CCSER1: variants seen among roughly 807,000 people sequenced by gnomAD.
CCSER1 encodes the protein serine-rich coiled-coil domain-containing protein 1.
CCSER1 carries 41 observed loss-of-function variants against 82.0 expected under a neutral mutation model. That is an observed-to-expected ratio of 0.50 (90% CI 0.39 to 0.65). The LOEUF is 0.65. Among genes scored for constraint, CCSER1 ranks in the 30% least tolerant of loss-of-function variants. CCSER1 has a pLI of 0.00. For synonymous variants in CCSER1, 414 were observed against 383.9 expected (o/e 1.08, Z -0.92); for missense variants, 1,119 against 1,064.2 (o/e 1.05, Z -0.72).
intron 10 of CCSER1, among the ~76,000 whole-genome samples, chr4:91,370,716 AT>A (rs1378631886): frequency 6.6e-6 from 1 of 151,824 alleles, no homozygotes; most frequent in Non-Finnish European, 1.5e-5. Context: ...AAATTGTTTT[AT>A]TTTGAATTTG....
chr4:90,426,347 A>G (rs889467227), intron 4 of CCSER1, among the ~76,000 whole-genome samples: 3 of 152,214 alleles, frequency 2.0e-5, no homozygotes, highest in African/African-American at 7.2e-5. Context: ...ATACTAGGCA[A>G]TGATGATCAG....
intron 8 of CCSER1, among the ~76,000 whole-genome samples, chr4:90,831,694 T>G (rs1211900252): frequency 6.6e-6 from 1 of 152,190 alleles, no homozygotes; most frequent in African/African-American, 2.4e-5. Flanking sequence ...CAACTAATGT[T>G]GCTTAAAGAA....
intron 1 of CCSER1, among the ~76,000 whole-genome samples, chr4:90,168,182 T>C (rs1730890335): frequency 1.3e-5 from 2 of 152,214 alleles, no homozygotes; most frequent in Non-Finnish European, 2.9e-5. Flanking sequence ...TGGTGTGAGA[T>C]GATATCTCAT....
Position 91,013,353 on chromosome 4 carries a change from T to A in CCSER1, c.2173-72597T>A, listed in dbSNP as rs957908920. On this transcript the variant is annotated intron_variant, in intron 9 of 10. Coordinates refer to ENST00000509176, the MANE Select transcript of CCSER1 (RefSeq NM_001145065.2). Reference sequence around the variant, plus strand: ...TTCCACCTTTGTATAGTCTCGGCACTCTTGTTGAAGATCATTTGACTATAT... The same window carrying A: ...TTCCACCTTTGTATAGTCTCGGCACACTTGTTGAAGATCATTTGACTATAT... 2.2e-5 allele frequency among the ~76,000 whole-genome samples: 3 copies of A among 133,578 alleles called. 1 individual carries two copies. Among genetic ancestry groups the A allele is most frequent in the Non-Finnish European group, 5.2e-5 (3 of 57,660 alleles). The allele number at this position is 133,578 out of a possible 152,430, so 87.6% of individuals were successfully genotyped here.
intron 7 of CCSER1, among the ~76,000 whole-genome samples, chr4:90,750,397 A>G (rs1402578258): frequency 6.6e-6 from 1 of 152,096 alleles, no homozygotes; most frequent in Admixed American, 6.6e-5. Context: ...CTAACCCTCT[A>G]GTTGCCAGCC....
At chr4:90,216,767 G>A (rs770840319) in intron 1 of CCSER1, among the ~76,000 whole-genome samples, 12 of 152,020 alleles carry the variant, frequency 7.9e-5, no homozygotes, top group Admixed American at 4.6e-4. Flanking sequence ...GCTGGTTTTC[G>A]GTTCCATATG....
intron 9 of CCSER1, among the ~76,000 whole-genome samples, chr4:91,065,566 A>G (rs1720725616): frequency 6.6e-6 from 1 of 152,146 alleles, no homozygotes; most frequent in African/African-American, 2.4e-5. Context: ...TTGGGAAATA[A>G]TGTGGTAACA....
At chr4:91,110,659 T>C (rs1016524847) in intron 10 of CCSER1, among the ~76,000 whole-genome samples, 3 of 152,056 alleles carry the variant, frequency 2.0e-5, no homozygotes, top group Non-Finnish European at 4.4e-5. Context: ...AAATAGACTA[T>C]GAGTTCCTAG....
intron 1 of CCSER1, among the ~76,000 whole-genome samples, chr4:90,175,842 CA>C (rs1469555012): frequency 3.9e-5 from 6 of 151,904 alleles, no homozygotes; most frequent in Admixed American, 1.3e-4. Context: ...AGTAGCTACT[CA>C]AAAGAGTGTG....
intron 6 of CCSER1, among the ~76,000 whole-genome samples, chr4:90,702,085 A>G (rs1021570269): frequency 6.6e-6 from 1 of 152,136 alleles, no homozygotes; most frequent in Non-Finnish European, 1.5e-5. Flanking sequence ...GTTTTTGCCC[A>G]TTCAGTATGA....
At chr4:90,201,888 T>C (rs1310754960) in intron 1 of CCSER1, among the ~76,000 whole-genome samples, 1 of 152,122 alleles carries the variant, frequency 6.6e-6, no homozygotes. Flanking sequence ...TCATAGTAGT[T>C]CCAGCTGTTG....
At chr4:90,622,332 C>T (rs1722466379) in intron 5 of CCSER1, among the ~76,000 whole-genome samples, 1 of 152,120 alleles carries the variant, frequency 6.6e-6, no homozygotes, top group African/African-American at 2.4e-5. Context: ...AGGTTTGTTA[C>T]ATATGTATAC....
intron 4 of CCSER1, among the ~76,000 whole-genome samples, chr4:90,402,389 A>T (rs1336379633): frequency 6.6e-6 from 1 of 152,176 alleles, no homozygotes; most frequent in Non-Finnish European, 1.5e-5. Context: ...TTGAAATGGT[A>T]TTTTGTTTTG....
At chr4:90,269,410 TTAAA>T (rs1181946261) in intron 1 of CCSER1, among the ~76,000 whole-genome samples, 2 of 152,026 alleles carry the variant, frequency 1.3e-5, no homozygotes, top group Non-Finnish European at 2.9e-5. Context: ...CACATGGAAC[TTAAA>T]TAGTTTGTTT....
chr4:90,470,222 T>C (rs1718066043), intron 5 of CCSER1, among the ~76,000 whole-genome samples: 1 of 152,220 alleles, frequency 6.6e-6, no homozygotes, highest in Admixed American at 6.5e-5. Context: ...GTCTCCATTA[T>C]ATTTTCTTAT....
chr4:90,577,122 T>C (rs1184335013), intron 5 of CCSER1, among the ~76,000 whole-genome samples: 4 of 152,126 alleles, frequency 2.6e-5, no homozygotes, highest in Non-Finnish European at 5.9e-5. Context: ...TAATGACATA[T>C]GGTGTTGAGC....
intron 8 of CCSER1, among the ~76,000 whole-genome samples, chr4:90,908,204 C>G: frequency 6.6e-6 from 1 of 152,132 alleles, no homozygotes; most frequent in East Asian, 1.9e-4. Flanking sequence ...GACAGAGAAT[C>G]ACTTGGAGAT....
At chr4:91,081,248 T>C (rs146773281) in intron 9 of CCSER1, among the ~76,000 whole-genome samples, 1,555 of 152,260 alleles carry the variant, frequency 0.01, 17 homozygotes, top group African/African-American at 0.035. Flanking sequence ...GCAAGGCTGG[T>C]TCAACATATG....
chr4:91,464,383 C>A (rs1756725583), intron 10 of CCSER1, among the ~76,000 whole-genome samples: 1 of 152,126 alleles, frequency 6.6e-6, no homozygotes, highest in South Asian at 2.1e-4. Context: ...CAACCGGTAC[C>A]AGCCACTGCA....
Sources: gnomAD v4.1 joint callset for allele counts (sites outside exome capture counted in the v4.1 genomes callset) on GRCh38, gnomAD v4.1.1 for gene constraint, MANE v1.5 for transcripts, NCBI Gene and HGNC (gene_info 2026-07-23, HGNC 2026-07-21) for gene names.